Variants in SLC30A8 observed in about 807,000 individuals in gnomAD.
The protein encoded by SLC30A8 is solute carrier family 30 member 8.
A neutral mutation model predicts 36.9 loss-of-function variants in SLC30A8; 27 were observed. That is an observed-to-expected ratio of 0.73 (90% CI 0.54 to 1.01). The LOEUF (loss-of-function observed/expected upper bound fraction) is 1.01. Ranked by LOEUF, SLC30A8 falls within the 50% of genes least tolerant of loss-of-function variation. The pLI is 0.00. For missense variants in SLC30A8, 439 were observed against 452.0 expected (o/e 0.97, Z 0.26); for synonymous variants, 164 against 172.4 (o/e 0.95, Z 0.38).
intron 1 of SLC30A8, among the ~76,000 whole-genome samples, chr8:117,010,318 C>T (rs1040878542): frequency 6.6e-6 from 1 of 152,146 alleles, no homozygotes; most frequent in Non-Finnish European, 1.5e-5. Flanking sequence ...TGTGAGTCCT[C>T]AGCAGACAAA....
chr8:117,024,407 T>G (rs991175276), intron 1 of SLC30A8, among the ~76,000 whole-genome samples: 1 of 152,230 alleles, frequency 6.6e-6, no homozygotes, highest in African/African-American at 2.4e-5. Flanking sequence ...TTCTATTTCT[T>G]CCACAAAGCC....
chr8:117,053,136 ATC>A (rs1817761671), intron 2 of SLC30A8, among the ~76,000 whole-genome samples: 1 of 152,112 alleles, frequency 6.6e-6, no homozygotes, highest in African/African-American at 2.4e-5. Flanking sequence ...GATGGTCTCG[ATC>A]TCCTGGCCTC....
chr8:116,966,195 G>A (rs1299763536), intron 1 of SLC30A8, among the ~76,000 whole-genome samples: 1 of 152,140 alleles, frequency 6.6e-6, no homozygotes, highest in Non-Finnish European at 1.5e-5. Flanking sequence ...AACTAAGAGT[G>A]TAGCTGAAGC....
intron 6 of SLC30A8, among the ~76,000 whole-genome samples, chr8:117,166,766 A>ATTTTTTTTTTTTTTTTTTTTTTT (rs71305462): frequency 7.8e-6 from 1 of 128,676 alleles, no homozygotes; most frequent in African/African-American, 3.0e-5. Flanking sequence ...ACATTAGCTG[A>ATTTTTTTTTTTTTTTTTTTTTTT]TTTTTTTTTT....
chr8:117,171,173 G>T lies in SLC30A8; in HGVS notation c.964+5G>T, dbSNP rs749302763. Reference sequence around the variant, plus strand: ...TCTCAGCTCATGTTGCTACAGGTCAGTGAGTTTTGTAAACACCCTGGAAAA... The same window carrying T: ...TCTCAGCTCATGTTGCTACAGGTCATTGAGTTTTGTAAACACCCTGGAAAA... On this transcript the variant is annotated splice_donor_5th_base_variant and intron_variant, in intron 7 of 7. Transcript: ENST00000456015. 5.0e-6 allele frequency: 8 copies of T among 1,613,308 alleles called. No homozygotes were observed. The South Asian group carries it at 8.8e-5, about 18-fold the overall frequency.
At chr8:117,005,424 C>T (rs1816143398) in intron 1 of SLC30A8, among the ~76,000 whole-genome samples, 1 of 152,138 alleles carries the variant, frequency 6.6e-6, no homozygotes, top group African/African-American at 2.4e-5. Context: ...TTATTGCGGA[C>T]CAATATTCCA....
chr8:117,095,221 C>T lies in SLC30A8; in HGVS notation c.-225-40059C>T, dbSNP rs559143642. Among the ~76,000 whole-genome samples, 3 of 152,294 alleles carry T rather than the reference C, an allele frequency of 2.0e-5. No homozygotes were observed. The East Asian group carries it at 5.8e-4, about 30-fold the overall frequency. ...GTACCTCTCCGACTGTAGCCAGTGT[C>T]ATAGCAGCAGCTGCTCTAGATGGGC... On this transcript the variant is annotated intron_variant, in intron 2 of 10. Transcript: ENST00000427715.
intron 2 of SLC30A8, among the ~76,000 whole-genome samples, chr8:117,047,225 G>A (rs1004818497): frequency 3.3e-5 from 5 of 152,234 alleles, no homozygotes; most frequent in East Asian, 1.9e-4. Context: ...ATTCTCTCAC[G>A]TATTCTCTTA....
At chr8:116,973,426 C>T (rs1422976536) in intron 1 of SLC30A8, among the ~76,000 whole-genome samples, 2 of 152,162 alleles carry the variant, frequency 1.3e-5, no homozygotes, top group African/African-American at 4.8e-5. Context: ...CATGAGTGAA[C>T]TCCCATTCAC....
chr8:117,077,880 C>G (rs1505527), intron 2 of SLC30A8, among the ~76,000 whole-genome samples: 49,106 of 152,022 alleles, frequency 0.32, 8,696 homozygotes, highest in African/African-American at 0.48. Context: ...CTAAAGTAAA[C>G]TTGGTTTTTG....
chr8:116,998,771 A>G (rs1021660282), intron 1 of SLC30A8, among the ~76,000 whole-genome samples: 1 of 152,208 alleles, frequency 6.6e-6, no homozygotes, highest in African/African-American at 2.4e-5. Flanking sequence ...ATTAGCTGCA[A>G]GCCAAACCAT....
intron 2 of SLC30A8, among the ~76,000 whole-genome samples, chr8:117,071,062 T>C (rs1818316199): frequency 6.6e-6 from 1 of 152,200 alleles, no homozygotes; most frequent in Non-Finnish European, 1.5e-5. Context: ...CTATATATTC[T>C]AAAATGGAGT....
intron 2 of SLC30A8, among the ~76,000 whole-genome samples, chr8:117,057,172 C>T (rs933786590): frequency 6.6e-6 from 1 of 152,166 alleles, no homozygotes; most frequent in Non-Finnish European, 1.5e-5. Context: ...GAGATGGCAT[C>T]TTCTGTGTCC....
At chr8:116,988,135 T>G (rs530165147) in intron 1 of SLC30A8, among the ~76,000 whole-genome samples, 1 of 152,216 alleles carries the variant, frequency 6.6e-6, no homozygotes, top group Admixed American at 6.5e-5. Flanking sequence ...AAGAGTGATG[T>G]ATGTGCTCAT....
At chr8:117,092,345 TTACC>T (rs1819169383) in intron 2 of SLC30A8, among the ~76,000 whole-genome samples, 3 of 152,282 alleles carry the variant, frequency 2.0e-5, no homozygotes, top group Admixed American at 6.5e-5. Flanking sequence ...TATTTTTTCT[TTACC>T]TACAACAAAT....
intron 1 of SLC30A8, among the ~76,000 whole-genome samples, chr8:117,023,542 T>TA (rs1816775725): frequency 6.6e-6 from 1 of 151,996 alleles, no homozygotes; most frequent in African/African-American, 2.4e-5. Context: ...TATGCAGCCA[T>TA]GAAAAATGAT....
intron 2 of SLC30A8, among the ~76,000 whole-genome samples, chr8:117,149,597 C>T (rs932481436): frequency 2.6e-5 from 4 of 152,054 alleles, no homozygotes; most frequent in East Asian, 1.9e-4. Context: ...TGAATCAGTG[C>T]GTGAGGGTGG....
intron 4 of SLC30A8, among the ~76,000 whole-genome samples, chr8:117,161,073 A>G (rs1188677454): frequency 6.6e-6 from 1 of 152,216 alleles, no homozygotes; most frequent in Non-Finnish European, 1.5e-5. Flanking sequence ...GACTCAGACA[A>G]GAGATGCTCA....
chr8:116,950,718 A>G (rs944663436), upstream of SLC30A8: 1 of 152,182 alleles, frequency 6.6e-6, no homozygotes, highest in African/African-American at 2.4e-5. Context: ...TCAGTCTGGG[A>G]CTTTTCATGC....
Sources: allele counts gnomAD v4.1 joint callset (sites outside exome capture counted in the v4.1 genomes callset), GRCh38; gene constraint gnomAD v4.1.1; transcripts MANE v1.5; gene names NCBI Gene and HGNC (gene_info 2026-07-23, HGNC 2026-07-21).